DLGAP2: variants seen among roughly 807,000 people sequenced by gnomAD.
The protein encoded by DLGAP2 is disks large-associated protein 2.
Under a neutral mutation model 100.3 loss-of-function variants are expected in DLGAP2, and 26 were observed. The ratio of observed to expected loss-of-function variants is 0.26; its 90% confidence interval spans 0.19 to 0.36. The LOEUF (loss-of-function observed/expected upper bound fraction) is 0.36. Ranked by LOEUF, DLGAP2 falls within the 10% of genes least tolerant of loss-of-function variation. The pLI, the probability that DLGAP2 is intolerant of heterozygous loss-of-function variation, is 1.00. For missense variants in DLGAP2, 1,858 were observed against 1,453.2 expected (o/e 1.28, Z -4.53); for synonymous variants, 886 against 630.1 (o/e 1.41, Z -6.08).
intron 7 of DLGAP2, among the ~76,000 whole-genome samples, chr8:1,628,372 A>T (rs1331045633): frequency 7.1e-6 from 1 of 140,786 alleles, no homozygotes. Context: ...GCTTGAGCCA[A>T]CCTCACATTC....
chr8:1,562,331 A>G (rs376447604), intron 5 of DLGAP2, among the ~76,000 whole-genome samples: 239 of 13,270 alleles, frequency 0.018, 8 homozygotes, highest in South Asian at 0.027. Flanking sequence ...GCGCCTCGTT[A>G]CTGGGGGACT....
intron 1 of DLGAP2, among the ~76,000 whole-genome samples, chr8:848,792 C>T (rs571240832): frequency 2.7e-5 from 4 of 146,286 alleles, no homozygotes; most frequent in African/African-American, 5.1e-5. Flanking sequence ...TCGTGCGGTG[C>T]GTGTTCCAGT....
intron 4 of DLGAP2, among the ~76,000 whole-genome samples, chr8:1,504,166 G>A (rs1413726369): frequency 6.6e-6 from 1 of 151,298 alleles, no homozygotes; most frequent in Non-Finnish European, 1.5e-5. Context: ...GTCTGAGAAA[G>A]GACTTGGCCA....
intron 2 of DLGAP2, among the ~76,000 whole-genome samples, chr8:1,215,920 G>A (rs1323076663): frequency 1.3e-5 from 2 of 149,890 alleles, no homozygotes; most frequent in East Asian, 2.0e-4. Context: ...ACCTGGAGAC[G>A]TCCAGGTACC....
At chr8:1,546,636 C>G (rs142258137) in intron 4 of DLGAP2, among the ~76,000 whole-genome samples, 38 of 152,256 alleles carry the variant, frequency 2.5e-4, no homozygotes, top group Non-Finnish European at 4.6e-4. Flanking sequence ...TGGGGTTGGA[C>G]ACGATGGGAA....
At position 1,188,463 on chromosome 8, in the gene DLGAP2, C is replaced by T. The variant is rs552812207; in HGVS notation, c.74-70388C>T. Among the ~76,000 whole-genome samples, 13 of 135,378 alleles carry T rather than the reference C, an allele frequency of 9.6e-5. 1 individual carries two copies. Among genetic ancestry groups the T allele is most frequent in the African/African-American group, 3.2e-4 (9 of 28,398 alleles). 88.8% of individuals were successfully genotyped at this position (135,378 alleles called of 152,430 possible). On this transcript the variant is annotated intron_variant, in intron 2 of 14. Transcript: ENST00000637795. Reference sequence around the variant, plus strand: ...CCGTGACGTTTCCCTCACGGAATCTCGCACGCCCGGGACTTCCGTGACGTT... The same window carrying T: ...CCGTGACGTTTCCCTCACGGAATCTTGCACGCCCGGGACTTCCGTGACGTT...
chr8:1,359,731 G>A (rs28490910), intron 3 of DLGAP2, among the ~76,000 whole-genome samples: 11,327 of 152,322 alleles, frequency 0.074, 527 homozygotes, highest in Middle Eastern at 0.16. Flanking sequence ...CGTTCCCTGC[G>A]CAGCGTGGGA....
chr8:1,595,592 G>A (rs1323060812), intron 6 of DLGAP2, among the ~76,000 whole-genome samples: 13 of 150,294 alleles, frequency 8.6e-5, no homozygotes, highest in African/African-American at 2.7e-4. Flanking sequence ...GCGTGAACCC[G>A]GGAAGCGGAG....
At chr8:837,871 C>G (rs912832446) in intron 1 of DLGAP2, among the ~76,000 whole-genome samples, 2 of 149,134 alleles carry the variant, frequency 1.3e-5, no homozygotes, top group African/African-American at 4.9e-5. Flanking sequence ...CATGCATCAC[C>G]ACGCCCGGCT....
At chr8:1,368,420 T>C (rs894433330) in intron 3 of DLGAP2, among the ~76,000 whole-genome samples, 1 of 152,146 alleles carries the variant, frequency 6.6e-6, no homozygotes, top group African/African-American at 2.4e-5. Flanking sequence ...TGTATGTATG[T>C]GTGCAAGTTG....
chr8:1,039,187 G>GGTGTGCGTGGTCAGCTCA (rs1398529382), intron 2 of DLGAP2, among the ~76,000 whole-genome samples: 110 of 141,970 alleles, frequency 7.7e-4, no homozygotes, highest in African/African-American at 3.0e-3. Flanking sequence ...TGGTCAGCTC[G>GGTGTGCGTGGTCAGCTCA]GTTTCCGTGG....
At chr8:1,586,236 C>T (rs1796115304) in intron 6 of DLGAP2, among the ~76,000 whole-genome samples, 1 of 152,204 alleles carries the variant, frequency 6.6e-6, no homozygotes, top group Non-Finnish European at 1.5e-5. Flanking sequence ...CGGGGATCTG[C>T]GTGGGGAGTG....
At chr8:921,005 G>A (rs1286393648) in intron 2 of DLGAP2, among the ~76,000 whole-genome samples, 1 of 152,024 alleles carries the variant, frequency 6.6e-6, no homozygotes, top group African/African-American at 2.4e-5. Context: ...CCTTCCACCT[G>A]CAGCTCCATC....
chr8:1,511,137 C>G (rs550213237), intron 4 of DLGAP2, among the ~76,000 whole-genome samples: 1 of 152,256 alleles, frequency 6.6e-6, no homozygotes, highest in East Asian at 1.9e-4. Context: ...GGGTGACCAT[C>G]CTCCATGGAT....
At chr8:1,232,741 A>T (rs1165552947) in intron 2 of DLGAP2, among the ~76,000 whole-genome samples, 1 of 152,210 alleles carries the variant, frequency 6.6e-6, no homozygotes, top group South Asian at 2.1e-4. Context: ...GAGGCCACTC[A>T]CTCATTCACA....
intron 3 of DLGAP2, among the ~76,000 whole-genome samples, chr8:1,261,560 T>A (rs1466241472): frequency 1.6e-4 from 1 of 6,416 alleles, no homozygotes; most frequent in African/African-American, 5.5e-4. Context: ...AGGGTGGGGG[T>A]GGGAGGGGGG....
chr8:855,737 G>T (rs1336805352), intron 1 of DLGAP2, among the ~76,000 whole-genome samples: 1 of 152,162 alleles, frequency 6.6e-6, no homozygotes, highest in East Asian at 1.9e-4. Context: ...GCTATGCAAG[G>T]CTGGTTCAAT....
At chr8:1,390,427 C>T (rs973620107) in intron 3 of DLGAP2, among the ~76,000 whole-genome samples, 1 of 152,088 alleles carries the variant, frequency 6.6e-6, no homozygotes, top group Non-Finnish European at 1.5e-5. Context: ...TAAAATGAAA[C>T]AGATGGCCAT....
At chr8:1,012,850 G>A (rs1360930418) in intron 2 of DLGAP2, among the ~76,000 whole-genome samples, 2 of 150,274 alleles carry the variant, frequency 1.3e-5, no homozygotes, top group Non-Finnish European at 1.5e-5. Flanking sequence ...CACCCATCAC[G>A]ATAAGCACGC....
Sources: gnomAD v4.1 joint callset for allele counts (sites outside exome capture counted in the v4.1 genomes callset) on GRCh38, gnomAD v4.1.1 for gene constraint, MANE v1.5 for transcripts, NCBI Gene and HGNC (gene_info 2026-07-23, HGNC 2026-07-21) for gene names.